The following GCLC variants were observed in gnomAD, a reference collection of about 807,000 sequenced individuals.
GCLC encodes glutamate-cysteine ligase catalytic subunit.
In GCLC, 30 loss-of-function variants were observed where a neutral mutation model predicts 81.5. That is an observed-to-expected ratio of 0.37 (90% CI 0.28 to 0.50). GCLC has a LOEUF of 0.50. GCLC is among the 20% of genes least tolerant of loss of function. The pLI, the probability that GCLC is intolerant of heterozygous loss-of-function variation, is 0.96. For synonymous variants in GCLC, 262 were observed against 273.3 expected, an observed-to-expected ratio of 0.96 and a Z score of 0.41; for missense variants, 556 against 777.4, an observed-to-expected ratio of 0.72 and a Z score of 3.39.
intron 2 of GCLC, 68 bp from the exon 3 acceptor site, chr6:53,521,028 T>C (rs1762982592): frequency 3.1e-6 from 4 of 1,274,672 alleles, no homozygotes; most frequent in African/African-American, 1.5e-5. Context: ...TTTAAGTTTT[T>C]AAAGTTGCTT....
At chr6:53,526,850 T>C (rs2127627173) in intron 1 of GCLC, among the ~76,000 whole-genome samples, 1 of 146,972 alleles carries the variant, frequency 6.8e-6, no homozygotes, top group Non-Finnish European at 1.5e-5. Flanking sequence ...TTTTATGAAA[T>C]ACTAATTTCT....
At chr6:53,521,702 G>A (rs1386277047) in intron 2 of GCLC, among the ~76,000 whole-genome samples, 1 of 152,116 alleles carries the variant, frequency 6.6e-6, no homozygotes, top group East Asian at 1.9e-4. Context: ...GGCCGGGTGC[G>A]GTGGCTCATG....
intron 1 of GCLC, among the ~76,000 whole-genome samples, chr6:53,537,849 G>A (rs1350581666): frequency 6.6e-6 from 1 of 151,968 alleles, no homozygotes; most frequent in East Asian, 1.9e-4. Context: ...AATGGTTTAG[G>A]CTATTTGTGA....
intron 1 of GCLC, among the ~76,000 whole-genome samples, chr6:53,536,219 A>C (rs75874029): frequency 0.021 from 3,242 of 152,350 alleles, 119 homozygotes; most frequent in African/African-American, 0.075. Context: ...ATATGAAACT[A>C]GATATCAAAT....
intron 1 of GCLC, among the ~76,000 whole-genome samples, chr6:53,529,118 T>C (rs1236832212): frequency 1.3e-5 from 2 of 152,218 alleles, no homozygotes; most frequent in Non-Finnish European, 2.9e-5. Flanking sequence ...ATGGATAGTA[T>C]AGAGTAGAAC....
Position 53,522,502 on chromosome 6 carries a change from T to C in GCLC, c.176A>G (p.Asp59Gly). Residue 59 changes from aspartate (D) to glycine (G), a missense_variant, in exon 2 of 16, where the codon GAT becomes GGT. Around this residue, in one of 3 missense-constraint regions of GCLC, gnomAD observed 234 missense variants for 303.8 expected, o/e 0.77. Coordinates refer to ENST00000650454, the MANE Select transcript of GCLC (RefSeq NM_001498.4). ...DEVEYMLVSF[D>G]HENKKVRLVL... ...CAACCGGACTTTTTTATTTTCATGA[T>C]CAAAAGATACCAACATGTATTCCAC... is the stretch of plus-strand genomic sequence containing the variant. 6.2e-7 allele frequency: 1 copy of C among 1,606,370 alleles called. No homozygotes were observed.
At chr6:53,504,147 A>G (rs1434387360) in intron 12 of GCLC, among the ~76,000 whole-genome samples, 1 of 152,168 alleles carries the variant, frequency 6.6e-6, no homozygotes, top group Non-Finnish European at 1.5e-5. Flanking sequence ...GACCAGCCTG[A>G]GCAACATAGT....
chr6:53,524,146 T>C (rs1416782854), intron 1 of GCLC, among the ~76,000 whole-genome samples: 1 of 152,238 alleles, frequency 6.6e-6, no homozygotes, highest in Non-Finnish European at 1.5e-5. Flanking sequence ...AGAAAGGATA[T>C]GCTTTCATAT....
At chr6:53,524,283 C>G (rs1763045675) in intron 1 of GCLC, among the ~76,000 whole-genome samples, 1 of 152,196 alleles carries the variant, frequency 6.6e-6, no homozygotes, top group African/African-American at 2.4e-5. Flanking sequence ...TTGAAGCCAG[C>G]CCCGTCTGGC....
chr6:53,514,521 TA>T, intron 4 of GCLC, 24 bp from the exon 5 acceptor site: 11 of 1,581,470 alleles, frequency 7.0e-6, no homozygotes, highest in Non-Finnish European at 9.6e-6. Flanking sequence ...CCAAACGTCA[TA>T]AATTGGTCAC....
chr6:53,514,604 GT>G (rs1764829165), intron 4 of GCLC, 107 bp from the exon 5 acceptor site: 1 of 838,864 alleles, frequency 1.2e-6, no homozygotes, highest in Non-Finnish European at 2.1e-6. Context: ...CCTCAAATTA[GT>G]TATCTAAGAC....
At chr6:53,533,364 GCCAGACGCCC>G (rs1387497700) in intron 1 of GCLC, among the ~76,000 whole-genome samples, 1 of 152,130 alleles carries the variant, frequency 6.6e-6, no homozygotes, top group Non-Finnish European at 1.5e-5. Flanking sequence ...ATATGTTGTT[GCCAGACGCCC>G]CCAGTACCTG....
intron 1 of GCLC, among the ~76,000 whole-genome samples, chr6:53,540,840 T>C (rs374724732): frequency 3.6e-4 from 54 of 152,104 alleles, no homozygotes; most frequent in African/African-American, 1.2e-3. Context: ...GTTACAGGCA[T>C]CAGCAAATAC....
chr6:53,537,478 T>C (rs754083451), intron 1 of GCLC, among the ~76,000 whole-genome samples: 1 of 152,208 alleles, frequency 6.6e-6, no homozygotes, highest in Non-Finnish European at 1.5e-5. Flanking sequence ...AGCCTGAGCC[T>C]GTGTCAATGC....
At chr6:53,517,249 GTTTTTTTTTT>G (rs201960255) in intron 3 of GCLC, among the ~76,000 whole-genome samples, 15,466 of 73,330 alleles carry the variant, frequency 0.21, 1,229 homozygotes, top group South Asian at 0.33. Flanking sequence ...ACTGTACCAA[GTTTTTTTTTT>G]TTTTTTTTTT....
At chr6:53,511,856 A>G (rs567944008) in intron 6 of GCLC, among the ~76,000 whole-genome samples, 20 of 118,610 alleles carry the variant, frequency 1.7e-4, no homozygotes, top group African/African-American at 6.7e-4. Context: ...GAAACATCTA[A>G]TCTAAACTTT....
chr6:53,500,197 T>C (rs774492887), intron 14 of GCLC, 32 bp from the exon 15 acceptor site: 3 of 1,613,810 alleles, frequency 1.9e-6, no homozygotes, highest in African/African-American at 2.7e-5. Context: ...ATGAACTCCC[T>C]GCCGGGGGAT....
At chr6:53,542,681 T>G (rs548174654) in intron 1 of GCLC, among the ~76,000 whole-genome samples, 3 of 152,100 alleles carry the variant, frequency 2.0e-5, no homozygotes, top group Non-Finnish European at 2.9e-5. Flanking sequence ...TACCAAAGAC[T>G]TGAACTGCCT....
chr6:53,531,797 A>G (rs1763175640), intron 1 of GCLC, among the ~76,000 whole-genome samples: 1 of 152,196 alleles, frequency 6.6e-6, no homozygotes. Flanking sequence ...GGTGCCTCCT[A>G]AAGTTGTACA....
Sources: gnomAD v4.1 joint callset for allele counts (sites outside exome capture counted in the v4.1 genomes callset) on GRCh38, gnomAD v4.1.1 for gene constraint, gnomAD v4.1.1 regional missense constraint, MANE v1.5 for transcripts, NCBI Gene and HGNC (gene_info 2026-07-23, HGNC 2026-07-21) for gene names.